Variants in CFAP46 observed in about 807,000 individuals in gnomAD.
The protein encoded by CFAP46 is cilia and flagella associated protein 46, also known as cilia- and flagella-associated protein 46.
A neutral mutation model predicts 325.7 loss-of-function variants in CFAP46; 245 were observed. That is an observed-to-expected ratio of 0.75 (90% CI 0.68 to 0.84). The LOEUF is 0.84. CFAP46 is among the 40% of genes least tolerant of loss of function. The pLI is 0.00. For missense variants in CFAP46, 3,346 were observed against 3,543.0 expected (o/e 0.94, Z 1.41); for synonymous variants, 1,523 against 1,495.9 (o/e 1.02, Z -0.42).
chr10:132,867,502 C>T lies in CFAP46; in HGVS notation c.4616G>A (p.Arg1539Lys), dbSNP rs1396636932. The change falls in exon 34 of 58, where the codon AGA (arginine) becomes AAA (lysine). Residue 1539 changes from arginine (R) to lysine (K), a missense_variant. Transcript: ENST00000368586. ...CVSELEQASC[R>K]KEIALKKEKN... Reference sequence around the variant, plus strand: ...CTCTTTTTTCAACGCGATCTCTTTTCTGCAGCTAATGCGAGGAAAACAGAC... The same window carrying T: ...CTCTTTTTTCAACGCGATCTCTTTTTTGCAGCTAATGCGAGGAAAACAGAC... 19 of 1,549,892 alleles carry T rather than the reference C, an allele frequency of 1.2e-5. No homozygotes were observed. Among genetic ancestry groups the T allele is most frequent in the Non-Finnish European group, 1.7e-5 (19 of 1,146,934 alleles).
In CFAP46 at chr10:132,942,426, C is replaced by CCGGGGCCTCCCCGGGGCGGGGGGCG. The variant is rs1850122486; in HGVS notation, c.49+9_49+10insCGCCCCCCGCCCCGGGGAGGCCCCG. 1 of 1,354,778 alleles carries CCGGGGCCTCCCCGGGGCGGGGGGCG rather than the reference C, an allele frequency of 7.4e-7. No individual in the cohort carries two copies. The highest frequency in any genetic ancestry group is 9.4e-7 in the Non-Finnish European group (1 of 1,060,414). 83.9% of individuals were successfully genotyped at this position (1,354,778 alleles called of 1,614,324 possible). A position where few individuals can be genotyped will look rare whatever the true frequency, so the allele number is the denominator to read the frequency against. ...CCCCGGGGCGGGGGTCGTGGCGGGC[C>CCGGGGCCTCCCCGGGGCGGGGGGCG]TGGGGTCACCTTGCTGGCTCTCGGC... On this transcript the variant is annotated intron_variant, in intron 1 of 57. Coordinates refer to ENST00000368586, the MANE Select transcript of CFAP46 (RefSeq NM_001200049.3).
intron 50 of CFAP46, among the ~76,000 whole-genome samples, chr10:132,823,369 C>T (rs1333629109): frequency 9.4e-6 from 1 of 106,206 alleles, no homozygotes; most frequent in Non-Finnish European, 1.8e-5. Flanking sequence ...CTGATGTGTG[C>T]TGTGTGCTGT....
chr10:132,889,374 G>A lies in CFAP46; in HGVS notation c.3304+2959C>T, dbSNP rs1168180947. 2.0e-5 allele frequency among the ~76,000 whole-genome samples: 3 copies of A among 152,342 alleles called. No homozygotes were observed. In the East Asian group the frequency reaches 5.8e-4, roughly 29 times the overall value. On this transcript the variant is annotated intron_variant, in intron 25 of 57. Transcript: ENST00000368586. This position sits in a 1 kb window ranked among gnomAD's most constrained non-coding sequence, Gnocchi z 6.0. ...GAAGGCACCCATGGCTAGGAGGGCG[G>A]CACCCCATTGGATGCTGGGATCTGT...
At chr10:132,885,576 G>A (rs1012483414) in intron 26 of CFAP46, among the ~76,000 whole-genome samples, 13 of 151,826 alleles carry the variant, frequency 8.6e-5, no homozygotes, top group African/African-American at 3.1e-4. Flanking sequence ...GGGGGACAGC[G>A]TGGAGCAGGG....
chr10:132,859,874 G>A (rs1848699047), intron 37 of CFAP46, among the ~76,000 whole-genome samples: 1 of 152,210 alleles, frequency 6.6e-6, no homozygotes, highest in Non-Finnish European at 1.5e-5. Context: ...GGCCAACATG[G>A]TGAAACCCCA....
chr10:132,822,718 CTGATGTGTGCTGTGTGTGCAG>C (rs1847895620), intron 50 of CFAP46, among the ~76,000 whole-genome samples: 1 of 113,212 alleles, frequency 8.8e-6, no homozygotes, highest in Non-Finnish European at 1.7e-5. Flanking sequence ...CTGATGTGTG[CTGATGTGTGCTGTGTGTGCAG>C]TGATGTGTGC....
At chr10:132,841,269 TC>T (rs1331465928) in intron 44 of CFAP46, among the ~76,000 whole-genome samples, 1 of 152,164 alleles carries the variant, frequency 6.6e-6, no homozygotes, top group East Asian at 1.9e-4. Flanking sequence ...GCTGAGACAT[TC>T]CCACTTGAAA....
intron 22 of CFAP46, among the ~76,000 whole-genome samples, chr10:132,904,129 A>G (rs1849424998): frequency 6.6e-6 from 1 of 152,278 alleles, no homozygotes; most frequent in Non-Finnish European, 1.5e-5. Flanking sequence ...ACGGAAAGAA[A>G]TTAGAATGAA....
rs1300940248 is a variant in CFAP46, at chr10:132,813,486, C to T, written c.7389-589G>A. ...CCCCTGCAGTGCCACCCTCTGCACA[C>T]ACCTGCCCCTGCACACACCTGTCCC... On this transcript the variant is annotated intron_variant, in intron 54 of 57. Transcript: ENST00000368586. 2.1e-5 allele frequency among the ~76,000 whole-genome samples: 3 copies of T among 144,896 alleles called. No individual in the cohort carries two copies. In the East Asian group the frequency reaches 6.3e-4, roughly 30 times the overall value.
rs554768950 is a variant in CFAP46 at position 132,808,698 on chromosome 10, G to T, written c.7871C>A (p.Pro2624Gln). The T allele has an allele frequency of 1.9e-6, 3 of 1,569,714 alleles. No homozygotes were observed. The East Asian group carries it at 7.1e-5, about 37-fold the overall frequency. The change falls in exon 58 of 58, where the codon CCG (proline) becomes CAG (glutamine). Residue 2624 changes from proline (P) to glutamine (Q), a missense_variant. Transcript: ENST00000368586. This position sits in a 1 kb window ranked among gnomAD's most constrained non-coding sequence, Gnocchi z 6.8. ...GAGCTGGGAGCTGGGGATGGGAGCCGGGAGGTGGGGATGGGTTGGCAGAGG... is the reference window on the plus strand; with the variant it reads ...GAGCTGGGAGCTGGGGATGGGAGCCTGGAGGTGGGGATGGGTTGGCAGAGG... ...SAPLPTHPHL[P>Q]APIPSSQLAL... is the part of the protein sequence containing the mutation.
chr10:132,867,329 C>G (rs1160632384), intron 34 of CFAP46, 46 bp downstream of exon 34: 1 of 1,529,012 alleles, frequency 6.5e-7, no homozygotes, highest in African/African-American at 1.4e-5. Context: ...GAGGCACCGG[C>G]GCCCGCTGGG....
intron 39 of CFAP46, among the ~76,000 whole-genome samples, chr10:132,851,821 A>G (rs1265079135): frequency 6.6e-6 from 1 of 152,278 alleles, no homozygotes; most frequent in Non-Finnish European, 1.5e-5. Context: ...TGTGCAAGGT[A>G]TCCACAGATC....
At position 132,884,631 on chromosome 10, in the gene CFAP46, C is replaced by T. The variant is rs1271377717; in HGVS notation, c.3627+472G>A. On this transcript the variant is annotated intron_variant, in intron 27 of 57. Transcript: ENST00000368586. This position sits in a 1 kb window ranked among gnomAD's most constrained non-coding sequence, Gnocchi z 5.4. ...CCTCCTGAGCCCACCCCAAGGGGAA[C>T]GTCCATCTCGCCTTCCTGGGGGTGG... 6.6e-6 allele frequency among the ~76,000 whole-genome samples: 1 copy of T among 152,164 alleles called. No individual in the cohort carries two copies. Among genetic ancestry groups the T allele is most frequent in the Non-Finnish European group, 1.5e-5 (1 of 68,006 alleles).
rs761362475 is a variant in CFAP46, at chr10:132,846,089, G to A, written c.6406C>T (p.Arg2136Cys). Residue 2136 changes from arginine to cysteine, a missense_variant, in exon 44 of 58, where the codon CGT (arginine) becomes TGT (cysteine). Coordinates refer to ENST00000368586, the MANE Select transcript of CFAP46 (RefSeq NM_001200049.3). ...QDRTTTSLGARVEQRLAAVSK... is the reference protein window; with the variant it reads ...QDRTTTSLGACVEQRLAAVSK... ...ACGGCGGCCAGCCTCTGCTCCACAC[G>A]GGCGCCCAGGCTGGTGGTGGTCCTG... The A allele has an allele frequency of 4.1e-5, 66 of 1,600,130 alleles. No individual in the cohort carries two copies. Among genetic ancestry groups the A allele is most frequent in the Admixed American group, 1.3e-4 (8 of 59,534 alleles).
intron 50 of CFAP46, among the ~76,000 whole-genome samples, chr10:132,826,073 G>A (rs375319326): frequency 2.9e-5 from 4 of 135,984 alleles, no homozygotes; most frequent in Admixed American, 7.4e-5. Flanking sequence ...GACCAGCCAC[G>A]GAGCCAGGCA....
chr10:132,901,273 G>A (rs148901444), intron 22 of CFAP46, among the ~76,000 whole-genome samples: 148 of 152,342 alleles, frequency 9.7e-4, no homozygotes, highest in African/African-American at 3.4e-3. Context: ...GTTCGTTTAC[G>A]TTTAATGGAA....
chr10:132,815,014 A>C, intron 50 of CFAP46, 100 bp from the exon 51 acceptor site: 1 of 1,064,036 alleles, frequency 9.4e-7, no homozygotes, highest in Non-Finnish European at 1.4e-6. Flanking sequence ...ATTTCACTTA[A>C]ATGAAAAAAA....
chr10:132,912,454 TCTC>T (rs1377047143), intron 19 of CFAP46, among the ~76,000 whole-genome samples, 198 bp downstream of exon 19: 15 of 140,158 alleles, frequency 1.1e-4, no homozygotes, highest in African/African-American at 3.2e-4. Context: ...CCTCTCTCTC[TCTC>T]TTCACCTCTC....
chr10:132,933,125 C>T (rs1849938630), intron 8 of CFAP46, among the ~76,000 whole-genome samples: 1 of 152,244 alleles, frequency 6.6e-6, no homozygotes, highest in Non-Finnish European at 1.5e-5. Flanking sequence ...GACCATCCTC[C>T]CTGCATCCCT....
Sources: gnomAD v4.1 joint callset for allele counts (sites outside exome capture counted in the v4.1 genomes callset) on GRCh38, gnomAD v4.1.1 for gene constraint, Gnocchi (gnomAD v3.1) non-coding constraint, MANE v1.5 for transcripts, NCBI Gene and HGNC (gene_info 2026-07-23, HGNC 2026-07-21) for gene names.